The following CLVS1 variants were observed in gnomAD, a reference collection of about 807,000 sequenced individuals.
The protein encoded by CLVS1 is clavesin-1.
Under a neutral mutation model 33.1 loss-of-function variants are expected in CLVS1, and 10 were observed. That is an observed-to-expected ratio of 0.30 (90% CI 0.19 to 0.51). CLVS1 has a LOEUF of 0.51. CLVS1 is among the 20% of genes least tolerant of loss of function. CLVS1 has a pLI of 0.97. For synonymous variants in CLVS1, 163 were observed against 166.1 expected, an observed-to-expected ratio of 0.98 and a Z score of 0.14; for missense variants, 343 against 433.4, an observed-to-expected ratio of 0.79 and a Z score of 1.85.
intron 2 of CLVS1, among the ~76,000 whole-genome samples, chr8:61,189,443 T>G (rs1726944365): frequency 6.6e-6 from 1 of 152,094 alleles, no homozygotes. Flanking sequence ...AGACCATGGA[T>G]GCTAGGAAGA....
intron 5 of CLVS1, among the ~76,000 whole-genome samples, chr8:61,480,695 G>A (rs575680297): frequency 6.6e-6 from 1 of 152,262 alleles, no homozygotes. Context: ...GCTGTAGACT[G>A]GAGCTGTTCC....
the CLVS1 span, among the ~76,000 whole-genome samples, chr8:61,012,620 G>A: frequency 6.6e-6 from 1 of 152,170 alleles, no homozygotes; most frequent in African/African-American, 2.4e-5. Flanking sequence ...GGTGGAATGG[G>A]GAGGGCCAAT....
chr8:61,325,810 A>G (rs1008348786), intron 2 of CLVS1, among the ~76,000 whole-genome samples: 2 of 152,164 alleles, frequency 1.3e-5, no homozygotes, highest in African/African-American at 4.8e-5. Flanking sequence ...TTCCAACCCA[A>G]CAAGTCCTGG....
intron 5 of CLVS1, among the ~76,000 whole-genome samples, chr8:61,467,776 A>C (rs1817600304): frequency 6.6e-6 from 1 of 152,222 alleles, no homozygotes; most frequent in African/African-American, 2.4e-5. Flanking sequence ...CTCTGTTTGC[A>C]GGGTAAACAT....
chr8:61,280,985 A>T (rs1809660456), intron 2 of CLVS1, among the ~76,000 whole-genome samples: 1 of 152,188 alleles, frequency 6.6e-6, no homozygotes. Context: ...CCCAAATGGC[A>T]TTACATCTCA....
At chr8:61,242,941 CT>C (rs1329828086) in intron 2 of CLVS1, among the ~76,000 whole-genome samples, 1 of 148,816 alleles carries the variant, frequency 6.7e-6, no homozygotes, top group Non-Finnish European at 1.5e-5. Context: ...ACTGATAACA[CT>C]AGTCTAGTTC....
chr8:61,002,455 A>T, the CLVS1 span, among the ~76,000 whole-genome samples: 1 of 150,262 alleles, frequency 6.7e-6, no homozygotes, highest in African/African-American at 2.5e-5. Context: ...CAGCCTCCTG[A>T]GTAGCTGGGA....
intron 2 of CLVS1, among the ~76,000 whole-genome samples, chr8:61,211,619 G>T (rs1807972599): frequency 6.6e-6 from 1 of 152,216 alleles, no homozygotes; most frequent in African/African-American, 2.4e-5. Flanking sequence ...CCAGGCAATG[G>T]TTGCAAGTAC....
At chr8:61,301,766 T>C (rs1482601666) in intron 2 of CLVS1, among the ~76,000 whole-genome samples, 1 of 152,204 alleles carries the variant, frequency 6.6e-6, no homozygotes, top group Non-Finnish European at 1.5e-5. Flanking sequence ...TTAACCCGAC[T>C]TCATTGTAAT....
intron 4 of CLVS1, among the ~76,000 whole-genome samples, chr8:61,457,183 C>A (rs971744342): frequency 2.6e-5 from 4 of 152,034 alleles, no homozygotes; most frequent in Non-Finnish European, 4.4e-5. Flanking sequence ...GTGATCTGCC[C>A]TCCTCAGCCT....
intron 2 of CLVS1, among the ~76,000 whole-genome samples, chr8:61,158,823 A>G (rs1265222778): frequency 1.3e-5 from 2 of 152,198 alleles, no homozygotes; most frequent in Admixed American, 1.3e-4. Context: ...TTTTCTTTTT[A>G]AAATGTAGAT....
Position 61,332,042 on chromosome 8 carries a change from G to T in CLVS1, c.455+31760G>T, listed in dbSNP as rs114644624. Among the ~76,000 whole-genome samples the T allele has an allele frequency of 2.8e-3, 425 of 152,314 alleles. 1 individual carries two copies. Among genetic ancestry groups the T allele is most frequent in the African/African-American group, 9.6e-3 (401 of 41,568 alleles). ...TCATGGTGGCATGGCAGGGCAGCAC[G>T]CTAGCTTTGCATTGGAGTGCCTCCA... On this transcript the variant is annotated intron_variant, in intron 2 of 5. Transcript: ENST00000325897.
rs186757496 is a variant in CLVS1 at position 61,110,428 on chromosome 8, G to C, written c.-242-21342G>C. On this transcript the variant is annotated intron_variant, in intron 1 of 2. Coordinates refer to the CLVS1 transcript ENST00000522621. ...CAGTTTTGTCTTAGATTGAAACCTA[G>C]TCTAAGGCAGCAATCCATGAATGTG... Among the ~76,000 whole-genome samples the C allele has an allele frequency of 5.9e-5, 9 of 152,076 alleles. No individual in the cohort carries two copies. The East Asian group carries it at 1.7e-3, about 29-fold the overall frequency.
At chr8:61,075,456 G>T (rs1227092093) in intron 1 of CLVS1, among the ~76,000 whole-genome samples, 1 of 152,214 alleles carries the variant, frequency 6.6e-6, no homozygotes, top group Non-Finnish European at 1.5e-5. Flanking sequence ...TCTGAGCTGT[G>T]CTAAGAGGGC....
At chr8:61,203,703 A>C (rs1203804602) in intron 2 of CLVS1, among the ~76,000 whole-genome samples, 3 of 152,208 alleles carry the variant, frequency 2.0e-5, no homozygotes, top group African/African-American at 7.2e-5. Context: ...ACTGTTTGAC[A>C]CTTGGAGCTT....
intron 2 of CLVS1, among the ~76,000 whole-genome samples, chr8:61,185,143 G>GCTT (rs376138569): frequency 4.1e-4 from 59 of 143,848 alleles, no homozygotes; most frequent in African/African-American, 8.0e-4. Flanking sequence ...AGAGAGTATA[G>GCTT]TTTTTGTTTT....
chr8:61,012,450 AT>A, the CLVS1 span, among the ~76,000 whole-genome samples: 1 of 152,258 alleles, frequency 6.6e-6, no homozygotes, highest in African/African-American at 2.4e-5. Flanking sequence ...AAATGGAAAC[AT>A]TAGGAAATGA....
intron 2 of CLVS1, among the ~76,000 whole-genome samples, chr8:61,355,969 G>A (rs1812686153): frequency 1.3e-5 from 2 of 152,168 alleles, no homozygotes; most frequent in Admixed American, 1.3e-4. Flanking sequence ...TCTACTTCTA[G>A]ATCCCTGAGG....
At chr8:61,246,890 A>T (rs1808822232) in intron 2 of CLVS1, among the ~76,000 whole-genome samples, 1 of 152,074 alleles carries the variant, frequency 6.6e-6, no homozygotes, top group Non-Finnish European at 1.5e-5. Context: ...TGTTGTACAT[A>T]TTATTATATC....
Sources: gnomAD v4.1 joint callset for allele counts (sites outside exome capture counted in the v4.1 genomes callset) on GRCh38, gnomAD v4.1.1 for gene constraint, MANE v1.5 for transcripts, NCBI Gene and HGNC (gene_info 2026-07-23, HGNC 2026-07-21) for gene names.